The following EHMT1 variants were observed in gnomAD, a reference collection of about 807,000 sequenced individuals.
EHMT1 encodes histone-lysine N-methyltransferase EHMT1.
EHMT1 carries 15 observed loss-of-function variants against 147.2 expected under a neutral mutation model. The ratio of observed to expected loss-of-function variants is 0.10; its 90% confidence interval spans 0.07 to 0.16. EHMT1 has a LOEUF of 0.16. Among genes scored for constraint, EHMT1 ranks in the 10% least tolerant of loss-of-function variants. The pLI is 1.00. For synonymous variants in EHMT1, 795 were observed against 709.6 expected, an observed-to-expected ratio of 1.12 and a Z score of -1.91; for missense variants, 1,587 against 1,772.4, an observed-to-expected ratio of 0.90 and a Z score of 1.88.
intron 3 of EHMT1, among the ~76,000 whole-genome samples, chr9:137,718,144 C>T (rs1945544388): frequency 6.6e-6 from 1 of 151,040 alleles, no homozygotes. Flanking sequence ...CGCGCCTGCC[C>T]CTCACACGCA....
intron 10 of EHMT1, chr9:137,763,051 G>C (rs1949955530): frequency 1.6e-6 from 1 of 622,166 alleles, no homozygotes; most frequent in Non-Finnish European, 2.8e-6. Context: ...CAAAGTCTTT[G>C]AATGAAAATG....
In EHMT1 at chr9:137,731,588, G is replaced by A. The variant is rs1433736987; in HGVS notation, c.823+3059G>A. Among the ~76,000 whole-genome samples, 2 of 152,180 alleles carry A rather than the reference G, an allele frequency of 1.3e-5. No homozygotes were observed. Among genetic ancestry groups the A allele is most frequent in the African/African-American group, 4.8e-5 (2 of 41,440 alleles). On this transcript the variant is annotated intron_variant, in intron 4 of 26. Transcript: ENST00000460843. This position sits in a 1 kb window ranked among gnomAD's most constrained non-coding sequence, Gnocchi z 4.3. ...CCATACAGAGCAGGAATCGGGGTAC[G>A]TCCTATCCTGTTGTCACAGGATCCC...
At chr9:137,814,358 C>A (rs1258895003) in intron 21 of EHMT1, 73 bp from the exon 22 acceptor site, 1 of 1,492,854 alleles carries the variant, frequency 6.7e-7, no homozygotes, top group Non-Finnish European at 9.3e-7. Flanking sequence ...AACTGGAAGA[C>A]GTAGTTGTGA....
At chr9:137,743,277 C>A in intron 4 of EHMT1, 94 bp from the exon 5 acceptor site, 1 of 1,489,562 alleles carries the variant, frequency 6.7e-7, no homozygotes, top group South Asian at 1.3e-5. Flanking sequence ...TTTTGGTGAT[C>A]AAGTTTTGTA....
intron 18 of EHMT1, chr9:137,802,740 C>A: frequency 8.8e-7 from 1 of 1,131,838 alleles, no homozygotes; most frequent in Non-Finnish European, 1.1e-6. Context: ...ACGCAGGCCT[C>A]TCTGGAGTGA....
rs562090541 is a variant in EHMT1 at position 137,833,837 on chromosome 9, C to G, written c.3541-512C>G. Among the ~76,000 whole-genome samples the G allele has an allele frequency of 3.6e-4, 55 of 152,360 alleles. No individual in the cohort carries two copies. The South Asian group carries it at 0.011, about 30-fold the overall frequency. On this transcript the variant is annotated intron_variant, in intron 25 of 26. Transcript: ENST00000460843. ...GGGCAGCCTCCGCCTGACGGTCCTC[C>G]CTGGTGCCATTCGCCACTGAGTCTT...
chr9:137,777,862 C>G lies in EHMT1; in HGVS notation c.2019-20C>G. 2.5e-6 allele frequency: 4 copies of G among 1,611,928 alleles called. No individual in the cohort carries two copies. Among genetic ancestry groups the G allele is most frequent in the Non-Finnish European group, 3.4e-6 (4 of 1,180,020 alleles). ...TGTTTCGTGTTTTCATAAACCTTTC[C>G]CCGATTTCCTCCCCTGAAGTGCTGC... On this transcript the variant is annotated intron_variant, in intron 12 of 26. Coordinates refer to ENST00000460843, the MANE Select transcript of EHMT1 (RefSeq NM_024757.5).
intron 4 of EHMT1, chr9:137,743,089 C>A: frequency 2.4e-6 from 1 of 410,426 alleles, no homozygotes; most frequent in Non-Finnish European, 4.5e-6. Flanking sequence ...TTGTGGCTTT[C>A]CTGCCTCCAA....
intron 8 of EHMT1, among the ~76,000 whole-genome samples, chr9:137,754,813 G>A (rs186011675): frequency 1.1e-3 from 171 of 152,282 alleles, no homozygotes; most frequent in Non-Finnish European, 2.0e-3. Context: ...CACTGCGCCC[G>A]GCCCCAACTT....
chr9:137,733,447 G>T (rs1365205644), intron 4 of EHMT1, among the ~76,000 whole-genome samples: 1 of 152,232 alleles, frequency 6.6e-6, no homozygotes, highest in East Asian at 1.9e-4. Context: ...AGTTCCACTG[G>T]CAGAATCTGT....
chr9:137,656,014 T>C (rs943343615), intron 1 of EHMT1, among the ~76,000 whole-genome samples: 3 of 152,230 alleles, frequency 2.0e-5, no homozygotes, highest in Non-Finnish European at 4.4e-5. Context: ...ATTCATGTGA[T>C]AACTGAAGAA....
rs73668109 is a variant in EHMT1, at chr9:137,828,575, C to T, written c.3541-5774C>T. ...TGAGAAGCCACAAAGTGTGCTCCTG[C>T]GGGGGTGCGGGGTGGGGGAGGTACC... is the stretch of plus-strand genomic sequence containing the variant. On this transcript the variant is annotated intron_variant, in intron 25 of 26. Coordinates refer to ENST00000460843, the MANE Select transcript of EHMT1 (RefSeq NM_024757.5). This position sits in a 1 kb window ranked among gnomAD's most constrained non-coding sequence, Gnocchi z 5.3. 0.025 allele frequency among the ~76,000 whole-genome samples: 3,783 copies of T among 151,188 alleles called. 143 individuals are homozygous for T. The highest frequency in any genetic ancestry group is 0.085 in the African/African-American group (3,497 of 41,140).
intron 1 of EHMT1, among the ~76,000 whole-genome samples, chr9:137,695,611 C>T (rs949826929): frequency 2.6e-5 from 4 of 152,200 alleles, no homozygotes; most frequent in African/African-American, 9.7e-5. Flanking sequence ...GTGTGGGCTG[C>T]GTCCTTCCAC....
rs777757210 is a variant in EHMT1 at position 137,817,498 on chromosome 9, A to G, written c.3434A>G (p.Asp1145Gly). ...DMGWGVRSLQ[D>G]IPPGTFVCEY... ...GGCTGGGGCGTGCGGTCCCTGCAGG[A>G]CATCCCACCAGGCACCTTTGTCTGC... Residue 1145 changes from aspartate to glycine, a missense_variant, in exon 24 of 27, where the codon GAC becomes GGC. Around this residue, in one of 7 missense-constraint regions of EHMT1, gnomAD observed 156 missense variants for 252.5 expected, o/e 0.62. Coordinates refer to ENST00000460843, the MANE Select transcript of EHMT1 (RefSeq NM_024757.5). 4 of 1,614,176 alleles carry G rather than the reference A, an allele frequency of 2.5e-6. No homozygotes were observed. Among genetic ancestry groups the G allele is most frequent in the Non-Finnish European group, 2.5e-6 (3 of 1,180,006 alleles).
At chr9:137,833,223 G>T (rs916733655) in intron 25 of EHMT1, among the ~76,000 whole-genome samples, 1 of 152,224 alleles carries the variant, frequency 6.6e-6, no homozygotes, top group Non-Finnish European at 1.5e-5. Flanking sequence ...CTGCCGGCAG[G>T]CCCCGCCCTC....
At chr9:137,650,790 C>T (rs1254369777) in intron 1 of EHMT1, 1 of 151,858 alleles carries the variant, frequency 6.6e-6, no homozygotes, top group Non-Finnish European at 1.5e-5. Flanking sequence ...ATTCAGCCCC[C>T]CAAGTAGCCA....
rs748842197 is a variant in EHMT1 at position 137,818,097 on chromosome 9, G to T, written c.3499G>T (p.Val1167Phe). ...GCTGATTTCAGACTCAGAAGCCGAC[G>T]TTCGAGAGGAAGATTCTTACCTCTT... ...GELISDSEADVREEDSYLFDL... is the reference protein window; with the variant it reads ...GELISDSEADFREEDSYLFDL... Residue 1167 changes from valine to phenylalanine, a missense_variant, in exon 25 of 27, where the codon GTT (valine) becomes TTT (phenylalanine). Around this residue, in one of 7 missense-constraint regions of EHMT1, gnomAD observed 156 missense variants for 252.5 expected, o/e 0.62. Transcript: ENST00000460843. 2 of 1,614,194 alleles carry T rather than the reference G, an allele frequency of 1.2e-6. No homozygotes were observed. Among genetic ancestry groups the T allele is most frequent in the South Asian group, 2.2e-5 (2 of 91,084 alleles).
intron 6 of EHMT1, 113 bp from the exon 7 acceptor site, chr9:137,752,218 G>T (rs1227752168): frequency 8.6e-6 from 11 of 1,286,172 alleles, no homozygotes; most frequent in African/African-American, 1.5e-5. Context: ...TCTCCGGCGT[G>T]TGCGGCCAGT....
chr9:137,627,841 C>T (rs1044266735), intron 1 of EHMT1, among the ~76,000 whole-genome samples: 15 of 151,944 alleles, frequency 9.9e-5, no homozygotes, highest in Non-Finnish European at 2.1e-4. Flanking sequence ...CCCCAAGTAG[C>T]TGGGATTATA....
Sources: allele counts gnomAD v4.1 joint callset (sites outside exome capture counted in the v4.1 genomes callset), GRCh38; gene constraint gnomAD v4.1.1; regional missense constraint gnomAD v4.1.1; non-coding constraint Gnocchi (gnomAD v3.1); transcripts MANE v1.5; gene names NCBI Gene and HGNC (gene_info 2026-07-23, HGNC 2026-07-21).